Variants in TIAM1 observed in about 807,000 individuals in gnomAD.
TIAM1 encodes rho guanine nucleotide exchange factor TIAM1.
A neutral mutation model predicts 163.5 loss-of-function variants in TIAM1; 65 were observed. The observed-to-expected ratio is 0.40, with a 90% CI of 0.33 to 0.49. The LOEUF is 0.49. TIAM1 is among the 20% of genes least tolerant of loss of function. The pLI, the probability that TIAM1 is intolerant of heterozygous loss-of-function variation, is 0.77. For synonymous variants in TIAM1, 833 were observed against 810.1 expected (o/e 1.03, Z -0.48); for missense variants, 1,789 against 2,044.7 (o/e 0.87, Z 2.41).
intron 1 of TIAM1, among the ~76,000 whole-genome samples, chr21:31,342,908 G>C (rs1025391166): frequency 1.2e-4 from 19 of 152,078 alleles, no homozygotes; most frequent in African/African-American, 4.6e-4. Context: ...CCTGCCTCCC[G>C]ACCCCCAAAG....
At chr21:31,419,073 C>T (rs1043974338) in intron 2 of TIAM1, among the ~76,000 whole-genome samples, 3 of 152,138 alleles carry the variant, frequency 2.0e-5, no homozygotes, top group African/African-American at 7.2e-5. Context: ...GGAGCTTCAG[C>T]TCTGGAATCA....
chr21:31,171,413 A>G (rs1030285217), intron 15 of TIAM1, among the ~76,000 whole-genome samples: 2 of 152,252 alleles, frequency 1.3e-5, no homozygotes, highest in South Asian at 2.1e-4. Context: ...AAAAGGCACC[A>G]TAAATACAAG....
chr21:31,141,182 ATTT>A lies in TIAM1; in HGVS notation c.3707_3709del (p.Lys1236del). On this transcript the variant is annotated inframe_deletion, in exon 22 of 28. Coordinates refer to ENST00000541036, the MANE Select transcript of TIAM1 (RefSeq NM_001353694.2). The surrounding 1 kb of genome is among the most constrained non-coding windows in gnomAD (Gnocchi z 4.7). ...AAACACAGCCCCAAACTCTTCATGG[ATTT>A]TCTGCATCTCATTGATGTGACTGGC... 1 of 1,614,042 alleles carries A rather than the reference ATTT, an allele frequency of 6.2e-7. No homozygotes were observed. Among genetic ancestry groups the A allele is most frequent in the South Asian group, 1.1e-5 (1 of 91,066 alleles).
At chr21:31,236,771 G>C (rs560419501) in intron 6 of TIAM1, among the ~76,000 whole-genome samples, 1 of 152,256 alleles carries the variant, frequency 6.6e-6, no homozygotes, top group East Asian at 1.9e-4. Context: ...GAGGAAACAA[G>C]GACAACGGGA....
intron 1 of TIAM1, among the ~76,000 whole-genome samples, chr21:31,537,523 G>A (rs1394552989): frequency 6.6e-6 from 1 of 152,010 alleles, no homozygotes; most frequent in African/African-American, 2.4e-5. Flanking sequence ...AGGCTAAGGT[G>A]GGTGGATCGC....
intron 2 of TIAM1, among the ~76,000 whole-genome samples, chr21:31,324,330 G>A (rs2075414764): frequency 6.6e-6 from 1 of 152,098 alleles, no homozygotes; most frequent in African/African-American, 2.4e-5. Context: ...TCCAGCCTGG[G>A]CGACGGAGAG....
chr21:31,147,673 GATAT>G (rs906092810), intron 19 of TIAM1, among the ~76,000 whole-genome samples: 3 of 137,744 alleles, frequency 2.2e-5, no homozygotes, highest in Non-Finnish European at 4.6e-5. Context: ...ATAATATATA[GATAT>G]ATATAAATAT....
chr21:31,489,526 G>C (rs1039873369), intron 1 of TIAM1, among the ~76,000 whole-genome samples: 1 of 125,556 alleles, frequency 8.0e-6, no homozygotes, highest in Non-Finnish European at 1.7e-5. Flanking sequence ...AAGGAAGGGA[G>C]GGAGGGAGGG....
chr21:31,432,997 A>G (rs1032643142), intron 2 of TIAM1, among the ~76,000 whole-genome samples: 1 of 152,238 alleles, frequency 6.6e-6, no homozygotes, highest in Non-Finnish European at 1.5e-5. Context: ...ATGAAACTGC[A>G]AGGGAAACAT....
intron 6 of TIAM1, among the ~76,000 whole-genome samples, chr21:31,236,736 C>T (rs1177766196): frequency 2.6e-5 from 4 of 152,074 alleles, no homozygotes; most frequent in Non-Finnish European, 4.4e-5. Flanking sequence ...TTTGATGTGG[C>T]TTTTAATAAA....
rs548751794 is a variant in TIAM1 at position 31,251,183 on chromosome 21, G to C, written c.1411+559C>G. ...TTGGTTTTTTTGGAACTCATCCTTT[G>C]AAACTGTCATCAAACCAGTTGCATA... On this transcript the variant is annotated intron_variant, in intron 5 of 27. Coordinates refer to ENST00000541036, the MANE Select transcript of TIAM1 (RefSeq NM_001353694.2). Among the ~76,000 whole-genome samples, 110 of 152,266 alleles carry C rather than the reference G, an allele frequency of 7.2e-4. 1 individual carries two copies. The highest frequency in any genetic ancestry group is 1.3e-3 in the Non-Finnish European group (91 of 68,030).
At chr21:31,399,376 A>T (rs879627340) in intron 2 of TIAM1, among the ~76,000 whole-genome samples, 25 of 152,170 alleles carry the variant, frequency 1.6e-4, no homozygotes, top group Non-Finnish European at 2.1e-4. Flanking sequence ...TTAAAGTTTT[A>T]AAAATAATAA....
At chr21:31,230,725 G>C (rs1335212598) in intron 6 of TIAM1, among the ~76,000 whole-genome samples, 1 of 152,100 alleles carries the variant, frequency 6.6e-6, no homozygotes, top group Non-Finnish European at 1.5e-5. Flanking sequence ...GTAGAGACAG[G>C]GTTTCACCAT....
At chr21:31,368,984 A>G (rs528536042) in intron 2 of TIAM1, among the ~76,000 whole-genome samples, 1 of 152,282 alleles carries the variant, frequency 6.6e-6, no homozygotes, top group African/African-American at 2.4e-5. Context: ...TCACGCCTGT[A>G]ATCCCAGCAC....
intron 1 of TIAM1, among the ~76,000 whole-genome samples, chr21:31,511,103 A>G (rs1247389974): frequency 6.6e-6 from 1 of 152,220 alleles, no homozygotes; most frequent in Non-Finnish European, 1.5e-5. Context: ...TCTACACAGC[A>G]TCACAGGAGG....
At chr21:31,380,389 C>T (rs2076758184) in intron 2 of TIAM1, among the ~76,000 whole-genome samples, 1 of 152,050 alleles carries the variant, frequency 6.6e-6, no homozygotes, top group South Asian at 2.1e-4. Flanking sequence ...ACTAAAAATA[C>T]AAAGTTAGCT....
intron 6 of TIAM1, among the ~76,000 whole-genome samples, chr21:31,243,704 T>C (rs778145955): frequency 1.3e-4 from 20 of 152,168 alleles, no homozygotes; most frequent in Admixed American, 3.9e-4. Flanking sequence ...GAATGATACC[T>C]AGACACATAA....
At position 31,265,958 on chromosome 21, in the gene TIAM1, A is replaced by T. The variant is rs920376765; in HGVS notation, c.963+52T>A. On this transcript the variant is annotated intron_variant, in intron 4 of 27. Transcript: ENST00000541036. ...CTTCTAAGAGCAAAGTCATGCACTT[A>T]AAGAGTCATGCACCATTCCCAAAAT... The T allele has an allele frequency of 8.2e-6, 13 of 1,580,532 alleles. No individual in the cohort carries two copies. The African/African-American group carries it at 1.8e-4, about 21-fold the overall frequency.
intron 1 of TIAM1, among the ~76,000 whole-genome samples, chr21:31,339,884 G>C (rs996123656): frequency 1.3e-5 from 2 of 152,182 alleles, no homozygotes; most frequent in African/African-American, 2.4e-5. Context: ...ATAAACTGGA[G>C]AAGTGGGTGT....
Sources: allele counts gnomAD v4.1 joint callset (sites outside exome capture counted in the v4.1 genomes callset), GRCh38; gene constraint gnomAD v4.1.1; non-coding constraint Gnocchi (gnomAD v3.1); transcripts MANE v1.5; gene names NCBI Gene and HGNC (gene_info 2026-07-23, HGNC 2026-07-21).